KCNQ1OT1: variants seen among roughly 807,000 people sequenced by gnomAD.
KCNQ1OT1 encodes the protein KCNQ1 antisense RNA 2 (non-protein coding).
exon 1 of KCNQ1OT1, chr11:2,662,095 T>TGTGC: frequency 5.0e-6 from 8 of 1,614,098 alleles, no homozygotes; most frequent in Non-Finnish European, 6.8e-6. Context: ...AGTGCCTACA[T>TGTGC]GTGCGTGAAG....
rs542925298 is a variant in KCNQ1OT1 at position 2,617,418 on chromosome 11, C to T, written n.82577G>A. On this transcript the variant is annotated non_coding_transcript_exon_variant, in exon 1 of 1. Transcript: ENST00000597346. This position sits in a 1 kb window ranked among gnomAD's most constrained non-coding sequence, Gnocchi z 4.6. ...AGTGGCAGGATCTCCTTTTTTAATGCGGAATAATATTCCATTGTAGACATA... is the reference window on the plus strand; with the variant it reads ...AGTGGCAGGATCTCCTTTTTTAATGTGGAATAATATTCCATTGTAGACATA... 1.0e-4 allele frequency: 41 copies of T among 398,332 alleles called. No homozygotes were observed. Among genetic ancestry groups the T allele is most frequent in the East Asian group, 9.3e-4 (26 of 28,052 alleles). The allele number at this position is 398,332 out of a possible 1,614,324, so 24.7% of individuals were successfully genotyped here.
In KCNQ1OT1 at chr11:2,679,903, A is replaced by AT. The variant is rs544035123; in HGVS notation, n.20091dup. ...CACGCCTAATTTTTTTTTTATTTTTATTTTTTTTGAGGCAGAGTCTCACTT... is the reference window on the plus strand; with the variant it reads ...CACGCCTAATTTTTTTTTTATTTTTATTTTTTTTTGAGGCAGAGTCTCACTT... On this transcript the variant is annotated non_coding_transcript_exon_variant, in exon 1 of 1. Coordinates refer to ENST00000597346, the Ensembl canonical transcript of KCNQ1OT1. This position sits in a 1 kb window ranked among gnomAD's most constrained non-coding sequence, Gnocchi z 4.8. The AT allele has an allele frequency of 1.5e-3, 599 of 395,892 alleles. No homozygotes were observed. Among genetic ancestry groups the AT allele is most frequent in the Non-Finnish European group, 2.1e-3 (466 of 225,318 alleles). 24.5% of individuals were successfully genotyped at this position (395,892 alleles called of 1,614,324 possible). A position where few individuals can be genotyped will look rare whatever the true frequency, so the allele number is the denominator to read the frequency against.
exon 1 of KCNQ1OT1, chr11:2,655,316 C>T: frequency 2.5e-6 from 1 of 398,622 alleles, no homozygotes; most frequent in Non-Finnish European, 4.4e-6. Flanking sequence ...AGATCCTGGC[C>T]TTGACAAAGC....
At position 2,651,829 on chromosome 11, in the gene KCNQ1OT1, C is replaced by T. The variant is rs898927514; in HGVS notation, n.48166G>A. Reference sequence around the variant, plus strand: ...TAGCATTGGAATGGAGCCCACAGGACCATACCAGACAGATGCCACCACATC... The same window carrying T: ...TAGCATTGGAATGGAGCCCACAGGATCATACCAGACAGATGCCACCACATC... On this transcript the variant is annotated non_coding_transcript_exon_variant, in exon 1 of 1. Coordinates refer to ENST00000597346, the Ensembl canonical transcript of KCNQ1OT1. The surrounding 1 kb of genome is among the most constrained non-coding windows in gnomAD (Gnocchi z 6.1). 7.0e-5 allele frequency: 28 copies of T among 398,512 alleles called. No homozygotes were observed. The highest frequency in any genetic ancestry group is 5.8e-4 in the African/African-American group (28 of 48,630). The allele number at this position is 398,512 out of a possible 1,614,324, so 24.7% of individuals were successfully genotyped here. A position where few individuals can be genotyped will look rare whatever the true frequency, so the allele number is the denominator to read the frequency against.
At position 2,674,419 on chromosome 11, in the gene KCNQ1OT1, G is replaced by A. The variant is rs1047781400; in HGVS notation, n.25576C>T. On this transcript the variant is annotated non_coding_transcript_exon_variant, in exon 1 of 1. Coordinates refer to ENST00000597346, the Ensembl canonical transcript of KCNQ1OT1. This position sits in a 1 kb window ranked among gnomAD's most constrained non-coding sequence, Gnocchi z 5.9. ...TGCGTGTGTGTGTGCGCGCCCGCGCGCACACGACCACAGAGGCTGGGGGGA... is the reference window on the plus strand; with the variant it reads ...TGCGTGTGTGTGTGCGCGCCCGCGCACACACGACCACAGAGGCTGGGGGGA... 1.9e-5 allele frequency: 3 copies of A among 159,888 alleles called. No homozygotes were observed. The highest frequency in any genetic ancestry group is 4.0e-5 in the Non-Finnish European group (3 of 75,314). The allele number at this position is 159,888 out of a possible 1,614,324, so 9.9% of individuals were successfully genotyped here. A position where few individuals can be genotyped will look rare whatever the true frequency, so the allele number is the denominator to read the frequency against.
chr11:2,652,780 C>A lies in KCNQ1OT1; in HGVS notation n.47215G>T. On this transcript the variant is annotated non_coding_transcript_exon_variant, in exon 1 of 1. Coordinates refer to ENST00000597346, the Ensembl canonical transcript of KCNQ1OT1. The surrounding 1 kb of genome is among the most constrained non-coding windows in gnomAD (Gnocchi z 5.9). ...CACTGCCTGTCTTCCTCAGCGCCCC[C>A]GCTACTCAGACCCCACCCTTGGGCC... The A allele has an allele frequency of 2.5e-6, 1 of 399,172 alleles. No homozygotes were observed. The highest frequency in any genetic ancestry group is 4.4e-6 in the Non-Finnish European group (1 of 226,542). 24.7% of individuals were successfully genotyped at this position (399,172 alleles called of 1,614,324 possible).
At position 2,691,241 on chromosome 11, in the gene KCNQ1OT1, C is replaced by T. The variant is rs1564859752; in HGVS notation, n.8754G>A. 5.0e-6 allele frequency: 2 copies of T among 398,470 alleles called. No individual in the cohort carries two copies. The highest frequency in any genetic ancestry group is 8.8e-6 in the Non-Finnish European group (2 of 226,106). 24.7% of individuals were successfully genotyped at this position (398,470 alleles called of 1,614,324 possible). A position where few individuals can be genotyped will look rare whatever the true frequency, so the allele number is the denominator to read the frequency against. ...GGAGTTAGAGGATCTGCAGTTAACC[C>T]CTTGAGTCTCGGAAGGCTGTTTGAG... On this transcript the variant is annotated non_coding_transcript_exon_variant, in exon 1 of 1. Coordinates refer to ENST00000597346, the Ensembl canonical transcript of KCNQ1OT1. The surrounding 1 kb of genome is among the most constrained non-coding windows in gnomAD (Gnocchi z 6.4).
chr11:2,609,922 T>G (rs1848950785), exon 1 of KCNQ1OT1: 2 of 397,932 alleles, frequency 5.0e-6, no homozygotes, highest in South Asian at 2.5e-4. Context: ...GTGTGCCTCA[T>G]ATAGATGGAA....
At position 2,683,568 on chromosome 11, in the gene KCNQ1OT1, C is replaced by A. The variant is rs951668583; in HGVS notation, n.16427G>T. The A allele has an allele frequency of 1.8e-5, 7 of 398,526 alleles. No homozygotes were observed. Among genetic ancestry groups the A allele is most frequent in the African/African-American group, 1.0e-4 (5 of 48,620 alleles). 24.7% of individuals were successfully genotyped at this position (398,526 alleles called of 1,614,324 possible). ...GTAGAAGCCCCTACCTACTGACTGG[C>A]ATCACAAACACTGCCCTGAAATGCC... On this transcript the variant is annotated non_coding_transcript_exon_variant, in exon 1 of 1. Coordinates refer to ENST00000597346, the Ensembl canonical transcript of KCNQ1OT1. The surrounding 1 kb of genome is among the most constrained non-coding windows in gnomAD (Gnocchi z 4.7).
In KCNQ1OT1 at chr11:2,612,299, C is replaced by T; in HGVS notation, n.87696G>A. The T allele has an allele frequency of 2.5e-6, 1 of 398,622 alleles. No individual in the cohort carries two copies. Among genetic ancestry groups the T allele is most frequent in the African/African-American group, 2.1e-5 (1 of 48,740 alleles). The allele number at this position is 398,622 out of a possible 1,614,324, so 24.7% of individuals were successfully genotyped here. A position where few individuals can be genotyped will look rare whatever the true frequency, so the allele number is the denominator to read the frequency against. ...ATGTGAGGGATCTAGGTTGTGCACT[C>T]CGTATGAGAATCTAACTAAAGCCTC... On this transcript the variant is annotated non_coding_transcript_exon_variant, in exon 1 of 1. Transcript: ENST00000597346. This position sits in a 1 kb window ranked among gnomAD's most constrained non-coding sequence, Gnocchi z 5.5.
chr11:2,656,214 G>T, exon 1 of KCNQ1OT1: 1 of 398,620 alleles, frequency 2.5e-6, no homozygotes, highest in East Asian at 3.6e-5. Context: ...AATCCTGGAT[G>T]AAGTTTTAGC....
chr11:2,627,923 A>T lies in KCNQ1OT1; in HGVS notation n.72072T>A. 1 of 398,340 alleles carries T rather than the reference A, an allele frequency of 2.5e-6. No individual in the cohort carries two copies. Among genetic ancestry groups the T allele is most frequent in the Non-Finnish European group, 4.4e-6 (1 of 225,976 alleles). The allele number at this position is 398,340 out of a possible 1,614,324, so 24.7% of individuals were successfully genotyped here. A position where few individuals can be genotyped will look rare whatever the true frequency, so the allele number is the denominator to read the frequency against. ...GCACCCCCATGCCCAGCTAATTTTT[A>T]AAATTTTATGTAGAGATAGGGTATC... On this transcript the variant is annotated non_coding_transcript_exon_variant, in exon 1 of 1. Coordinates refer to ENST00000597346, the Ensembl canonical transcript of KCNQ1OT1. The surrounding 1 kb of genome is among the most constrained non-coding windows in gnomAD (Gnocchi z 4.9).
In KCNQ1OT1 at chr11:2,642,496, A is replaced by G. The variant is rs1202383328; in HGVS notation, n.57499T>C. On this transcript the variant is annotated non_coding_transcript_exon_variant, in exon 1 of 1. Coordinates refer to ENST00000597346, the Ensembl canonical transcript of KCNQ1OT1. This position sits in a 1 kb window ranked among gnomAD's most constrained non-coding sequence, Gnocchi z 4.3. ...CAGACTGAAGAGTTTTGATTTTTGTATTTCATGGTATGAGTTGTAATATCC... is the reference window on the plus strand; with the variant it reads ...CAGACTGAAGAGTTTTGATTTTTGTGTTTCATGGTATGAGTTGTAATATCC... The G allele has an allele frequency of 2.8e-5, 11 of 397,738 alleles. No homozygotes were observed. Among genetic ancestry groups the G allele is most frequent in the Non-Finnish European group, 4.0e-5 (9 of 225,668 alleles). 24.6% of individuals were successfully genotyped at this position (397,738 alleles called of 1,614,324 possible).
Position 2,670,396 on chromosome 11 carries a change from C to T in KCNQ1OT1, n.29599G>A. The T allele has an allele frequency of 7.5e-6, 3 of 398,326 alleles. No individual in the cohort carries two copies. The highest frequency in any genetic ancestry group is 1.3e-5 in the Non-Finnish European group (3 of 226,052). The allele number at this position is 398,326 out of a possible 1,614,324, so 24.7% of individuals were successfully genotyped here. A position where few individuals can be genotyped will look rare whatever the true frequency, so the allele number is the denominator to read the frequency against. On this transcript the variant is annotated non_coding_transcript_exon_variant, in exon 1 of 1. Coordinates refer to ENST00000597346, the Ensembl canonical transcript of KCNQ1OT1. The surrounding 1 kb of genome is among the most constrained non-coding windows in gnomAD (Gnocchi z 4.9). ...AATTCCAAGAGCATTAACCAGACAC[C>T]TACTATGTGTATTTCTTGTGTTGGG...
In KCNQ1OT1 at chr11:2,691,336, T is replaced by C. The variant is rs874031; in HGVS notation, n.8659A>G. On this transcript the variant is annotated non_coding_transcript_exon_variant, in exon 1 of 1. Transcript: ENST00000597346. This position sits in a 1 kb window ranked among gnomAD's most constrained non-coding sequence, Gnocchi z 6.4. ...ACCCCTGAGCTACAATCCACTGCAC[T>C]TACAGTGACCACCCATCCTGACATC... 1.7e-3 allele frequency: 680 copies of C among 398,622 alleles called. 13 individuals are homozygous for C. In the Admixed American group the frequency reaches 0.027, roughly 16 times the overall value. The allele number at this position is 398,622 out of a possible 1,614,324, so 24.7% of individuals were successfully genotyped here. A position where few individuals can be genotyped will look rare whatever the true frequency, so the allele number is the denominator to read the frequency against.
At position 2,674,349 on chromosome 11, in the gene KCNQ1OT1, C is replaced by T. The variant is rs1850248686; in HGVS notation, n.25646G>A. Reference sequence around the variant, plus strand: ...ACCCTCTGGAAATCTGAATTCCATTCGCTCTTGGCAAAGAGCAGCTTCCTG... The same window carrying T: ...ACCCTCTGGAAATCTGAATTCCATTTGCTCTTGGCAAAGAGCAGCTTCCTG... On this transcript the variant is annotated non_coding_transcript_exon_variant, in exon 1 of 1. Coordinates refer to ENST00000597346, the Ensembl canonical transcript of KCNQ1OT1. The surrounding 1 kb of genome is among the most constrained non-coding windows in gnomAD (Gnocchi z 5.9). The T allele has an allele frequency of 2.5e-6, 1 of 397,644 alleles. No homozygotes were observed. Among genetic ancestry groups the T allele is most frequent in the South Asian group, 1.3e-4 (1 of 7,764 alleles). The allele number at this position is 397,644 out of a possible 1,614,324, so 24.6% of individuals were successfully genotyped here.
rs142991091 is a variant in KCNQ1OT1, at chr11:2,652,722, T to A, written n.47273A>T. On this transcript the variant is annotated non_coding_transcript_exon_variant, in exon 1 of 1. Transcript: ENST00000597346. This position sits in a 1 kb window ranked among gnomAD's most constrained non-coding sequence, Gnocchi z 5.9. ...CTCTCTTTCCGTTTCCTGGGCTCAC[T>A]CACGCTCAGGGTTGACCCTGTCCTG... The A allele has an allele frequency of 3.6e-4, 144 of 398,914 alleles. 2 individuals carry two copies. The East Asian group carries it at 5.1e-3, about 14-fold the overall frequency. The allele number at this position is 398,914 out of a possible 1,614,324, so 24.7% of individuals were successfully genotyped here.
In KCNQ1OT1 at chr11:2,668,514, G is replaced by C. The variant is rs1047149402; in HGVS notation, n.31481C>G. The C allele has an allele frequency of 2.5e-6, 1 of 398,582 alleles. No homozygotes were observed. The highest frequency in any genetic ancestry group is 4.4e-6 in the Non-Finnish European group (1 of 226,070). 24.7% of individuals were successfully genotyped at this position (398,582 alleles called of 1,614,324 possible). A position where few individuals can be genotyped will look rare whatever the true frequency, so the allele number is the denominator to read the frequency against. On this transcript the variant is annotated non_coding_transcript_exon_variant, in exon 1 of 1. Coordinates refer to ENST00000597346, the Ensembl canonical transcript of KCNQ1OT1. The surrounding 1 kb of genome is among the most constrained non-coding windows in gnomAD (Gnocchi z 4.3). ...GGTGAATGTCTAGCAGCATCAAATG[G>C]TGATTTTAATTTGCAGTAACCTGTT...
At chr11:2,680,956 A>G (rs1850386355) in exon 1 of KCNQ1OT1, 2 of 398,548 alleles carry the variant, frequency 5.0e-6, no homozygotes, top group Middle Eastern at 6.3e-4. Context: ...ACTATTTACT[A>G]GTGTTTTCAA....
Sources: allele counts gnomAD v4.1 joint callset, GRCh38; gene constraint gnomAD v4.1.1; non-coding constraint Gnocchi (gnomAD v3.1); transcripts MANE v1.5; gene names NCBI Gene and HGNC (gene_info 2026-07-23, HGNC 2026-07-21).